The following CPED1 variants were observed in gnomAD, a reference collection of about 807,000 sequenced individuals.
CPED1 encodes the protein cadherin like and PC-esterase domain containing 1, also known as cadherin-like and PC-esterase domain-containing protein 1.
Under a neutral mutation model 128.2 loss-of-function variants are expected in CPED1, and 114 were observed. The observed-to-expected ratio is 0.89, with a 90% CI of 0.76 to 1.04. The LOEUF (loss-of-function observed/expected upper bound fraction) is 1.04. Among genes scored for constraint, CPED1 ranks in the 50% least tolerant of loss-of-function variants. CPED1 has a pLI of 0.00. For missense variants in CPED1, 1,211 were observed against 1,207.1 expected (o/e 1.00, Z -0.05); for synonymous variants, 462 against 426.7 (o/e 1.08, Z -1.02).
chr7:121,065,701 A>G (rs1793814219), intron 5 of CPED1, among the ~76,000 whole-genome samples: 3 of 152,070 alleles, frequency 2.0e-5, no homozygotes, highest in South Asian at 4.1e-4. Flanking sequence ...TATATTTTAC[A>G]TTTGCTTCTG....
intron 2 of CPED1, among the ~76,000 whole-genome samples, chr7:121,010,873 T>G (rs1792148053): frequency 6.6e-6 from 1 of 152,216 alleles, no homozygotes; most frequent in African/African-American, 2.4e-5. Context: ...TGTCCTGCAA[T>G]TATAACATAA....
At chr7:121,232,878 T>C (rs557655818) in intron 16 of CPED1, among the ~76,000 whole-genome samples, 56 of 152,178 alleles carry the variant, frequency 3.7e-4, no homozygotes, top group African/African-American at 1.3e-3. Flanking sequence ...ATGGGGTCAA[T>C]AGAAGTAGGT....
intron 16 of CPED1, among the ~76,000 whole-genome samples, chr7:121,210,231 A>G (rs1797612723): frequency 6.6e-6 from 1 of 152,032 alleles, no homozygotes; most frequent in Non-Finnish European, 1.5e-5. Flanking sequence ...TAGTACAATC[A>G]CTATAGAGAA....
At chr7:121,081,620 G>A (rs1378918381) in intron 5 of CPED1, among the ~76,000 whole-genome samples, 1 of 152,152 alleles carries the variant, frequency 6.6e-6, no homozygotes, top group Non-Finnish European at 1.5e-5. Flanking sequence ...CATTTCACAA[G>A]CAAATGTGTT....
At chr7:121,265,270 T>G (rs79199805) in intron 18 of CPED1, among the ~76,000 whole-genome samples, 1 of 152,000 alleles carries the variant, frequency 6.6e-6, no homozygotes, top group South Asian at 2.1e-4. Context: ...TTAAAGTACG[T>G]GGGTTTGAAT....
chr7:121,116,961 TC>T (rs1795252192), intron 7 of CPED1, among the ~76,000 whole-genome samples: 1 of 31,370 alleles, frequency 3.2e-5, no homozygotes, highest in Admixed American at 5.2e-4. Flanking sequence ...TCTCTCTCTC[TC>T]TATATATATA....
chr7:121,267,062 G>A (rs983145006), intron 20 of CPED1, among the ~76,000 whole-genome samples, 153 bp from the exon 21 acceptor site: 5 of 151,808 alleles, frequency 3.3e-5, no homozygotes, highest in Admixed American at 6.6e-5. Flanking sequence ...TAAAAAAACC[G>A]TATTATACAT....
In CPED1 at chr7:121,007,230, C is replaced by CTTT. The variant is rs147867549; in HGVS notation, c.250-8435_250-8434insTTT. On this transcript the variant is annotated intron_variant, in intron 2 of 22. Coordinates refer to ENST00000310396, the MANE Select transcript of CPED1 (RefSeq NM_024913.5). ...AAGCGTTGCGAAACTGTTCAGGTTG[C>CTTT]ATTTTTTTTTTTTTTTTTTGTCTTG... Among the ~76,000 whole-genome samples the CTTT allele has an allele frequency of 4.4e-4, 51 of 115,854 alleles. 2 individuals are homozygous for CTTT. The highest frequency in any genetic ancestry group is 5.1e-3 in the Middle Eastern group (1 of 196). The allele number at this position is 115,854 out of a possible 152,430, so 76.0% of individuals were successfully genotyped here.
chr7:121,111,990 C>T (rs1795123674), intron 7 of CPED1, among the ~76,000 whole-genome samples: 1 of 152,142 alleles, frequency 6.6e-6, no homozygotes. Context: ...GTAGTCTAGC[C>T]TGCCTTCACT....
At chr7:121,025,669 A>G (rs1239146632) in intron 3 of CPED1, among the ~76,000 whole-genome samples, 3 of 151,616 alleles carry the variant, frequency 2.0e-5, no homozygotes, top group Admixed American at 6.6e-5. Context: ...CCATCTTTCA[A>G]CCCCTCCTTC....
At chr7:121,159,661 T>C (rs1796369184) in intron 16 of CPED1, among the ~76,000 whole-genome samples, 1 of 152,152 alleles carries the variant, frequency 6.6e-6, no homozygotes, top group South Asian at 2.1e-4. Flanking sequence ...AAAATATTGT[T>C]CAAGATGGTG....
intron 22 of CPED1, among the ~76,000 whole-genome samples, chr7:121,272,603 A>G (rs898558150): frequency 6.6e-6 from 1 of 152,050 alleles, no homozygotes; most frequent in African/African-American, 2.4e-5. Context: ...GGCTTGCTCT[A>G]CTTTGAACTA....
In CPED1 at chr7:121,125,235, A is replaced by G. The variant is rs149061838; in HGVS notation, c.1062-585A>G. Among the ~76,000 whole-genome samples, 18 of 152,346 alleles carry G rather than the reference A, an allele frequency of 1.2e-4. No individual in the cohort carries two copies. The East Asian group carries it at 3.1e-3, about 26-fold the overall frequency. On this transcript the variant is annotated intron_variant, in intron 8 of 22. Coordinates refer to ENST00000310396, the MANE Select transcript of CPED1 (RefSeq NM_024913.5). ...TAATTAGTAGATATATTGAAAATTA[A>G]CAATAGTGATTATTAATATGACACC...
intron 4 of CPED1, among the ~76,000 whole-genome samples, chr7:121,058,658 T>A (rs1036200048): frequency 3.9e-5 from 6 of 152,232 alleles, no homozygotes; most frequent in African/African-American, 1.4e-4. Context: ...TTCTTAATCA[T>A]ATCAATAGCA....
Position 121,244,241 on chromosome 7 carries a change from G to A in CPED1, c.2213G>A (p.Arg738Lys). Residue 738 changes from arginine to lysine, a missense_variant, in exon 18 of 23, where the codon AGG becomes AAG. Physicochemically the swap from Arg to Lys is conservative, Grantham distance 26. Coordinates refer to ENST00000310396, the MANE Select transcript of CPED1 (RefSeq NM_024913.5). ...CCTTGCCTTAGTTGTTCGGACAACA[G>A]GACGTGTGACTGGAGAGAAATAACC... The part of the protein sequence containing the change: ...IVPCLSCSDN[R>K]TCDWREITWQ... 6.2e-7 allele frequency: 1 copy of A among 1,614,150 alleles called. No homozygotes were observed. The highest frequency in any genetic ancestry group is 1.1e-5 in the South Asian group (1 of 91,088).
At chr7:121,189,965 A>C (rs1797098590) in intron 16 of CPED1, among the ~76,000 whole-genome samples, 1 of 151,510 alleles carries the variant, frequency 6.6e-6, no homozygotes, top group African/African-American at 2.4e-5. Context: ...ACAACAGTGA[A>C]CAAGAACTAG....
chr7:121,050,848 C>T (rs1793331200), intron 4 of CPED1: 4 of 468,286 alleles, frequency 8.5e-6, no homozygotes, highest in Admixed American at 4.7e-5. Context: ...CCCAGCTTCG[C>T]GAAGGCTCTC....
chr7:121,215,715 C>A (rs780979370), intron 16 of CPED1, among the ~76,000 whole-genome samples: 14 of 151,758 alleles, frequency 9.2e-5, no homozygotes, highest in Non-Finnish European at 1.9e-4. Flanking sequence ...TGGGAGAATC[C>A]CACCTGACAC....
intron 16 of CPED1, among the ~76,000 whole-genome samples, chr7:121,157,620 A>G (rs188558348): frequency 6.6e-6 from 1 of 152,216 alleles, no homozygotes. Flanking sequence ...AGTAAACCTC[A>G]ATAATTTGCC....
Sources: allele counts gnomAD v4.1 joint callset (sites outside exome capture counted in the v4.1 genomes callset), GRCh38; gene constraint gnomAD v4.1.1; transcripts MANE v1.5; gene names NCBI Gene and HGNC (gene_info 2026-07-23, HGNC 2026-07-21).